LYPD6: variants seen among roughly 807,000 people sequenced by gnomAD.
The protein encoded by LYPD6 is ly6/PLAUR domain-containing protein 6.
LYPD6 carries 15 observed loss-of-function variants against 22.7 expected under a neutral mutation model. That is an observed-to-expected ratio of 0.66 (90% confidence interval 0.44 to 1.02). The LOEUF (loss-of-function observed/expected upper bound fraction) is 1.02. Among genes scored for constraint, LYPD6 ranks in the 50% least tolerant of loss-of-function variants. LYPD6 has a pLI of 0.00. For missense variants in LYPD6, 189 were observed against 208.4 expected (o/e 0.91, Z 0.57); for synonymous variants, 72 against 77.5 (o/e 0.93, Z 0.37).
intron 1 of LYPD6, among the ~76,000 whole-genome samples, chr2:149,422,468 G>C (rs1396882488): frequency 6.6e-6 from 1 of 152,150 alleles, no homozygotes; most frequent in African/African-American, 2.4e-5. Context: ...TGTCCTTGCT[G>C]TAGTGGTTCC....
At chr2:149,380,179 G>T (rs1682027993) in intron 1 of LYPD6, among the ~76,000 whole-genome samples, 1 of 152,202 alleles carries the variant, frequency 6.6e-6, no homozygotes, top group Admixed American at 6.5e-5. Context: ...ATCCTGAATA[G>T]GAGATAAGGT....
At chr2:149,347,174 AAG>A (rs1681273496) in intron 1 of LYPD6, among the ~76,000 whole-genome samples, 1 of 146,578 alleles carries the variant, frequency 6.8e-6, no homozygotes, top group African/African-American at 2.8e-5. Context: ...GAAGAAGAGA[AAG>A]AGGAGGAGGA....
intron 1 of LYPD6, among the ~76,000 whole-genome samples, chr2:149,345,957 GC>G (rs1681248737): frequency 6.6e-6 from 1 of 152,004 alleles, no homozygotes; most frequent in Non-Finnish European, 1.5e-5. Context: ...ATTTTTAGAG[GC>G]CACCTTTACT....
At chr2:149,399,527 C>T (rs1253603094) in intron 1 of LYPD6, among the ~76,000 whole-genome samples, 1 of 151,906 alleles carries the variant, frequency 6.6e-6, no homozygotes, top group African/African-American at 2.4e-5. Flanking sequence ...CTCTAGCTTT[C>T]ATTAGACTGC....
At chr2:149,478,284 C>G (rs1025457595), downstream of LYPD6, among the ~76,000 whole-genome samples, 8 of 152,062 alleles carry the variant, frequency 5.3e-5, no homozygotes, top group Non-Finnish European at 1.2e-4. Flanking sequence ...CCTCAGAGCC[C>G]CTGTTCAGTG....
chr2:149,433,298 G>C (rs1383472662), intron 1 of LYPD6, among the ~76,000 whole-genome samples: 1 of 152,132 alleles, frequency 6.6e-6, no homozygotes, highest in Non-Finnish European at 1.5e-5. Context: ...GATGAGTAGA[G>C]GTGGATATCT....
intron 1 of LYPD6, among the ~76,000 whole-genome samples, chr2:149,361,626 A>G (rs1018014970): frequency 5.9e-5 from 9 of 152,174 alleles, no homozygotes; most frequent in African/African-American, 2.2e-4. Context: ...GATGTGCATG[A>G]GAATTAATTT....
intron 1 of LYPD6, among the ~76,000 whole-genome samples, chr2:149,404,457 T>A (rs781763857): frequency 1.3e-5 from 2 of 152,330 alleles, no homozygotes; most frequent in Non-Finnish European, 2.9e-5. Context: ...ACATCCCTTG[T>A]AAGTTGGATT....
chr2:149,333,474 C>T (rs563017404), intron 1 of LYPD6, among the ~76,000 whole-genome samples: 4 of 152,200 alleles, frequency 2.6e-5, no homozygotes, highest in Non-Finnish European at 5.9e-5. Flanking sequence ...GGATTCAAGT[C>T]TTGTCTTCAC....
In LYPD6 at chr2:149,472,231, T is replaced by C. The variant is rs1264317265; in HGVS notation, c.*1381T>C. The stretch of plus-strand genomic sequence containing the variant: ...TGGTAGAGCTTTTAATATATGTTTA[T>C]TGAAAGTTATCTATAATACTTGCAC... On this transcript the variant is annotated 3_prime_UTR_variant, in exon 5 of 5. Coordinates refer to ENST00000334166, the MANE Select transcript of LYPD6 (RefSeq NM_194317.5). 2 of 152,232 alleles carry C rather than the reference T, an allele frequency of 1.3e-5. No individual in the cohort carries two copies. Among genetic ancestry groups the C allele is most frequent in the African/African-American group, 4.8e-5 (2 of 41,460 alleles). The allele number at this position is 152,232 out of a possible 1,614,324, so 9.4% of individuals were successfully genotyped here.
chr2:149,406,665 ATT>A (rs1682717670), intron 1 of LYPD6, among the ~76,000 whole-genome samples: 1 of 152,156 alleles, frequency 6.6e-6, no homozygotes, highest in Admixed American at 6.5e-5. Context: ...CAGCACACTG[ATT>A]TGTCTTGACT....
chr2:149,334,740 A>G (rs1681002396), intron 1 of LYPD6, among the ~76,000 whole-genome samples: 2 of 150,540 alleles, frequency 1.3e-5, no homozygotes, highest in Non-Finnish European at 2.9e-5. Flanking sequence ...GTAAACACAG[A>G]TTACAGCAAG....
chr2:149,334,443 T>C (rs1680995980), intron 1 of LYPD6, among the ~76,000 whole-genome samples: 1 of 152,238 alleles, frequency 6.6e-6, no homozygotes. Context: ...CACCCAGGCT[T>C]TCTCAAGCAA....
chr2:149,355,770 T>C (rs777730092), intron 1 of LYPD6, among the ~76,000 whole-genome samples: 2 of 152,198 alleles, frequency 1.3e-5, no homozygotes, highest in Non-Finnish European at 2.9e-5. Flanking sequence ...TTATTTTTCT[T>C]ATCAAGTATG....
chr2:149,376,731 C>T (rs548049499), intron 1 of LYPD6, among the ~76,000 whole-genome samples: 1 of 152,150 alleles, frequency 6.6e-6, no homozygotes, highest in African/African-American at 2.4e-5. Flanking sequence ...CTGGGATAAG[C>T]AACTTAATCC....
intron 1 of LYPD6, among the ~76,000 whole-genome samples, chr2:149,437,063 T>A (rs913644647): frequency 2.0e-5 from 3 of 152,188 alleles, no homozygotes; most frequent in African/African-American, 7.2e-5. Context: ...GCTGGGAGAA[T>A]AAATGGATAT....
the LYPD6 span, among the ~76,000 whole-genome samples, chr2:149,482,233 ATAT>A: frequency 6.6e-6 from 1 of 152,178 alleles, no homozygotes; most frequent in Non-Finnish European, 1.5e-5. Flanking sequence ...TAATAATATA[ATAT>A]TATAGTTTGT....
chr2:149,394,791 C>T (rs1425166932), intron 1 of LYPD6, among the ~76,000 whole-genome samples: 2 of 152,084 alleles, frequency 1.3e-5, no homozygotes, highest in African/African-American at 4.8e-5. Context: ...CCCTGCTCAC[C>T]ACCATCAACC....
chr2:149,346,882 G>T (rs1325963624), intron 1 of LYPD6, among the ~76,000 whole-genome samples: 2 of 152,104 alleles, frequency 1.3e-5, no homozygotes, highest in Admixed American at 6.6e-5. Context: ...TGTATTTTTA[G>T]TAGAGACGGG....
Sources: gnomAD v4.1 joint callset for allele counts (sites outside exome capture counted in the v4.1 genomes callset) on GRCh38, gnomAD v4.1.1 for gene constraint, MANE v1.5 for transcripts, NCBI Gene and HGNC (gene_info 2026-07-23, HGNC 2026-07-21) for gene names.